The following MACROD1 variants were observed in gnomAD, a reference collection of about 807,000 sequenced individuals.
MACROD1 encodes ADP-ribose glycohydrolase MACROD1.
Under a neutral mutation model 41.4 loss-of-function variants are expected in MACROD1, and 31 were observed. That is an observed-to-expected ratio of 0.75 (90% CI 0.56 to 1.01). The LOEUF (loss-of-function observed/expected upper bound fraction) is 1.01, where lower values mean the gene tolerates loss of function less well. MACROD1 is among the 50% of genes least tolerant of loss of function. MACROD1 has a pLI of 0.00. For synonymous variants in MACROD1, 252 were observed against 203.4 expected (o/e 1.24, Z -2.03); for missense variants, 473 against 460.0 (o/e 1.03, Z -0.26).
intron 3 of MACROD1, among the ~76,000 whole-genome samples, chr11:64,131,477 C>T (rs1039099652): frequency 1.3e-5 from 2 of 152,220 alleles, no homozygotes; most frequent in Non-Finnish European, 2.9e-5. Context: ...CAGGCGTGTG[C>T]TACCACGCCC....
intron 3 of MACROD1, among the ~76,000 whole-genome samples, chr11:64,119,814 T>C (rs1379458031): frequency 2.0e-5 from 3 of 152,152 alleles, no homozygotes; most frequent in Admixed American, 6.5e-5. Flanking sequence ...CAACTGACAG[T>C]GCAGTGTGGT....
At chr11:64,031,263 T>C (rs1434955088) in intron 3 of MACROD1, among the ~76,000 whole-genome samples, 1 of 152,098 alleles carries the variant, frequency 6.6e-6, no homozygotes, top group Admixed American at 6.5e-5. Flanking sequence ...TGGGGCACCC[T>C]CTCTGGGACT....
In MACROD1 at chr11:63,998,699, G is replaced by A. The variant is rs1203617355; in HGVS notation, c.*31-12C>T. 7 of 1,377,738 alleles carry A rather than the reference G, an allele frequency of 5.1e-6. No homozygotes were observed. The African/African-American group carries it at 9.0e-5, about 18-fold the overall frequency. The allele number at this position is 1,377,738 out of a possible 1,614,324, so 85.3% of individuals were successfully genotyped here. A position where few individuals can be genotyped will look rare whatever the true frequency, so the allele number is the denominator to read the frequency against. On this transcript the variant is annotated splice_polypyrimidine_tract_variant and intron_variant, in intron 10 of 10. Transcript: ENST00000255681. ...TCCCGAAGGCGGGTCTGAGGGCAGAGCAGAGTCAGAGGTGTCTATGGGCGT... is the reference window on the plus strand; with the variant it reads ...TCCCGAAGGCGGGTCTGAGGGCAGAACAGAGTCAGAGGTGTCTATGGGCGT...
At chr11:64,075,694 T>C (rs1944187647) in intron 3 of MACROD1, among the ~76,000 whole-genome samples, 1 of 152,170 alleles carries the variant, frequency 6.6e-6, no homozygotes, top group South Asian at 2.1e-4. Context: ...TTTTTTGAGA[T>C]GGAGTTGCGC....
chr11:64,086,331 G>A (rs1944394459), intron 3 of MACROD1, among the ~76,000 whole-genome samples: 2 of 152,060 alleles, frequency 1.3e-5, no homozygotes, highest in African/African-American at 4.8e-5. Flanking sequence ...CCTGGGGTGT[G>A]CAGTTCTAAG....
chr11:64,038,029 A>T (rs1590822621), intron 3 of MACROD1, among the ~76,000 whole-genome samples: 1 of 152,070 alleles, frequency 6.6e-6, no homozygotes, highest in Non-Finnish European at 1.5e-5. Context: ...GGATTTTCCC[A>T]CCACCAGCCA....
intron 3 of MACROD1, among the ~76,000 whole-genome samples, chr11:64,048,062 CCAGCCTGGCTCTCAGGCCTG>C (rs1000429424): frequency 6.6e-6 from 1 of 152,188 alleles, no homozygotes; most frequent in Non-Finnish European, 1.5e-5. Context: ...CGCCTGAGGC[CCAGCCTGGCTCTCAGGCCTG>C]CAGCCTGCCC....
chr11:64,073,006 G>A (rs569932928), intron 3 of MACROD1, among the ~76,000 whole-genome samples: 7 of 152,140 alleles, frequency 4.6e-5, no homozygotes, highest in Non-Finnish European at 5.9e-5. Context: ...GAGAGGGGTC[G>A]GGACCCACCC....
intron 3 of MACROD1, among the ~76,000 whole-genome samples, chr11:64,071,784 G>T (rs1185825801): frequency 6.6e-6 from 1 of 152,204 alleles, no homozygotes; most frequent in East Asian, 1.9e-4. Context: ...CTCAGGGCCT[G>T]TGGGGCCTAA....
At chr11:64,119,092 G>T (rs982591868) in intron 3 of MACROD1, 2 of 167,258 alleles carry the variant, frequency 1.2e-5, no homozygotes, top group African/African-American at 4.8e-5. Context: ...CAGATGGGTA[G>T]ATAGAGCCAC....
intron 3 of MACROD1, among the ~76,000 whole-genome samples, chr11:64,072,056 C>T (rs967460998): frequency 1.3e-5 from 2 of 151,644 alleles, no homozygotes; most frequent in Non-Finnish European, 2.9e-5. Flanking sequence ...TAAATCCTCC[C>T]GGCAGACAAG....
Position 64,015,245 on chromosome 11 carries a change from C to G in MACROD1, c.547+7G>C. 1 of 1,600,460 alleles carries G rather than the reference C, an allele frequency of 6.2e-7. No individual in the cohort carries two copies. The highest frequency in any genetic ancestry group is 8.5e-7 in the Non-Finnish European group (1 of 1,173,654). ...CCCACCCCCACCAAGACAGAAGGTC[C>G]ACTCACCGCCACCGCCTCCGAGCAG... On this transcript the variant is annotated splice_region_variant and intron_variant, in intron 4 of 10. Transcript: ENST00000255681.
In MACROD1 at chr11:64,116,443, G is replaced by A. The variant is rs1944983108; in HGVS notation, c.517+34796C>T. ...AGCACCACCTGCCCCTCGGTGTGCC[G>A]CTGCGACAACGGCTTCATCTACTGC... On this transcript the variant is annotated intron_variant, in intron 3 of 10. Transcript: ENST00000255681. 1.9e-6 allele frequency: 3 copies of A among 1,613,962 alleles called. No individual in the cohort carries two copies. Among genetic ancestry groups the A allele is most frequent in the South Asian group, 1.1e-5 (1 of 91,082 alleles).
intron 3 of MACROD1, among the ~76,000 whole-genome samples, chr11:64,125,262 C>G (rs1345799300): frequency 6.6e-6 from 1 of 152,166 alleles, no homozygotes; most frequent in Non-Finnish European, 1.5e-5. Flanking sequence ...CCCTGGCCCC[C>G]CTGCCTCCCC....
chr11:64,069,477 C>T (rs1157882009), intron 3 of MACROD1, among the ~76,000 whole-genome samples: 2 of 152,214 alleles, frequency 1.3e-5, no homozygotes, highest in Non-Finnish European at 2.9e-5. Context: ...CAGTCTGGTC[C>T]CCTTTAGCCT....
chr11:64,060,114 C>T (rs1371723810), intron 3 of MACROD1, among the ~76,000 whole-genome samples: 1 of 152,236 alleles, frequency 6.6e-6, no homozygotes, highest in Non-Finnish European at 1.5e-5. Context: ...AGTAATAATG[C>T]ACCTTACTTT....
intron 3 of MACROD1, among the ~76,000 whole-genome samples, chr11:64,144,368 C>T (rs1038686609): frequency 6.6e-6 from 1 of 152,200 alleles, no homozygotes; most frequent in Non-Finnish European, 1.5e-5. Context: ...GTGTCCTTTG[C>T]AGCCCAGGCC....
chr11:64,101,526 C>G (rs563325681), intron 3 of MACROD1, among the ~76,000 whole-genome samples: 1 of 152,186 alleles, frequency 6.6e-6, no homozygotes, highest in African/African-American at 2.4e-5. Context: ...GCCCGCTGCC[C>G]CTGCCCCACC....
chr11:64,025,717 G>A (rs868626559), intron 3 of MACROD1, among the ~76,000 whole-genome samples: 13 of 129,778 alleles, frequency 1.0e-4, no homozygotes, highest in South Asian at 2.9e-4. Context: ...GGCCCCCCCC[G>A]CTCCTTTTTT....
Sources: allele counts gnomAD v4.1 joint callset (sites outside exome capture counted in the v4.1 genomes callset), GRCh38; gene constraint gnomAD v4.1.1; transcripts MANE v1.5; gene names NCBI Gene and HGNC (gene_info 2026-07-23, HGNC 2026-07-21).